Variants in RASIP1 observed in about 807,000 individuals in gnomAD.
RASIP1 encodes Ras interacting protein 1, also known as ras-interacting protein 1.
Under a neutral mutation model 85.3 loss-of-function variants are expected in RASIP1, and 20 were observed. That is an observed-to-expected ratio of 0.23 (90% CI 0.17 to 0.34). The LOEUF (loss-of-function observed/expected upper bound fraction) is 0.34. Among genes scored for constraint, RASIP1 ranks in the 10% least tolerant of loss-of-function variants. RASIP1 has a pLI of 1.00. For synonymous variants in RASIP1, 617 were observed against 647.1 expected, an observed-to-expected ratio of 0.95 and a Z score of 0.71; for missense variants, 1,170 against 1,390.9, an observed-to-expected ratio of 0.84 and a Z score of 2.53.
At position 48,739,348 on chromosome 19, in the gene RASIP1, C is replaced by A. The variant is rs1227408792; in HGVS notation, c.435G>T (p.Pro145=). Residue 145 remains proline, a synonymous_variant, in exon 3 of 12, where the codon CCG becomes CCT. Transcript: ENST00000222145. The surrounding 1 kb of genome is among the most constrained non-coding windows in gnomAD (Gnocchi z 9.2). The part of the protein sequence containing the change: ...PPLATRATAP[P]GVLKIFGAGL... ...CGGCGCCGAAGATCTTGAGGACCCC[C>A]GGAGGCGCCGTGGCGCGGGTAGCCA... 4 of 1,350,338 alleles carry A rather than the reference C, an allele frequency of 3.0e-6. No individual in the cohort carries two copies. The South Asian group carries it at 5.4e-5, about 18-fold the overall frequency. 83.6% of individuals were successfully genotyped at this position (1,350,338 alleles called of 1,614,324 possible). A position where few individuals can be genotyped will look rare whatever the true frequency, so the allele number is the denominator to read the frequency against.
At position 48,739,306 on chromosome 19, in the gene RASIP1, G is replaced by A; in HGVS notation, c.477C>T (p.Ala159=). ...CCGTGGCCAGCACGCTCTTGTAGTT[G>A]GCGCCCGATGCCAGTCCGGCGCCGA... ...KIFGAGLASG[A]NYKSVLATAR... The change falls in exon 3 of 12, where the codon GCC becomes GCT. Residue 159 remains alanine (A), a synonymous_variant. Transcript: ENST00000222145. This position sits in a 1 kb window ranked among gnomAD's most constrained non-coding sequence, Gnocchi z 9.2. The A allele has an allele frequency of 7.1e-7, 1 of 1,408,326 alleles. No homozygotes were observed. Among genetic ancestry groups the A allele is most frequent in the Non-Finnish European group, 9.2e-7 (1 of 1,086,756 alleles). 87.2% of individuals were successfully genotyped at this position (1,408,326 alleles called of 1,614,324 possible).
intron 3 of RASIP1, 59 bp from the exon 4 acceptor site, chr19:48,735,610 C>G: frequency 7.0e-7 from 1 of 1,425,150 alleles, no homozygotes; most frequent in Non-Finnish European, 9.3e-7. Context: ...AGACACAGAG[C>G]TGCAGATTAT....
At chr19:48,732,459 TTAG>T (rs2033477889) in intron 4 of RASIP1, among the ~76,000 whole-genome samples, 1 of 151,984 alleles carries the variant, frequency 6.6e-6, no homozygotes, top group African/African-American at 2.4e-5. Flanking sequence ...TTTCACCGTG[TTAG>T]CCAGGATGGT....
In RASIP1 at chr19:48,724,588, AGCCT is replaced by A; in HGVS notation, c.2372-83_2372-80del. On this transcript the variant is annotated intron_variant, in intron 9 of 11. Coordinates refer to ENST00000222145, the MANE Select transcript of RASIP1 (RefSeq NM_017805.3). The surrounding 1 kb of genome is among the most constrained non-coding windows in gnomAD (Gnocchi z 4.6). ...GCCTCCCAGACTCTTCCTATCCTTC[AGCCT>A]GGGATCTGGAGCTTGTTCTCCAGGG... 1 of 1,575,362 alleles carries A rather than the reference AGCCT, an allele frequency of 6.3e-7. No homozygotes were observed. Among genetic ancestry groups the A allele is most frequent in the Non-Finnish European group, 8.7e-7 (1 of 1,155,428 alleles).
rs559025283 is a variant in RASIP1, at chr19:48,727,916, G to A, written c.1834-486C>T. ...TTAGCCAGGATGGTCTCGATCTCCC[G>A]ACTTCAGGTGATCTGCCCGCCTCGG... On this transcript the variant is annotated intron_variant, in intron 5 of 11. Coordinates refer to ENST00000222145, the MANE Select transcript of RASIP1 (RefSeq NM_017805.3). Among the ~76,000 whole-genome samples the A allele has an allele frequency of 4.6e-5, 7 of 151,882 alleles. 1 individual carries two copies. The highest frequency in any genetic ancestry group is 1.7e-4 in the African/African-American group (7 of 41,336).
intron 3 of RASIP1, among the ~76,000 whole-genome samples, chr19:48,735,797 T>C (rs576528947): frequency 4.0e-4 from 61 of 150,814 alleles, no homozygotes; most frequent in Middle Eastern, 3.5e-3. Context: ...GTTCTTCTTT[T>C]TTTTTTTTTT....
intron 3 of RASIP1, chr19:48,737,370 T>G (rs2033591794): frequency 1.3e-6 from 1 of 744,776 alleles, no homozygotes; most frequent in Non-Finnish European, 1.6e-6. Context: ...GAAGGCTCCC[T>G]GAGCAGACCC....
intron 3 of RASIP1, among the ~76,000 whole-genome samples, chr19:48,737,191 C>T (rs1298531279): frequency 6.6e-6 from 1 of 152,134 alleles, no homozygotes; most frequent in Non-Finnish European, 1.5e-5. Context: ...CTGTGCTAGG[C>T]CCTTTATATA....
Position 48,724,152 on chromosome 19 carries a change from G to T in RASIP1, c.2544+185C>A, listed in dbSNP as rs1381371637. Among the ~76,000 whole-genome samples, 1 of 152,160 alleles carries T rather than the reference G, an allele frequency of 6.6e-6. No homozygotes were observed. ...GTTCCACCAGGATTCAGACACAGCC[G>T]AGTTTAGTCATTGTTGGTGCTGGCT... On this transcript the variant is annotated intron_variant, in intron 10 of 11. Transcript: ENST00000222145. This position sits in a 1 kb window ranked among gnomAD's most constrained non-coding sequence, Gnocchi z 4.6.
intron 10 of RASIP1, among the ~76,000 whole-genome samples, chr19:48,723,822 T>C (rs112994930): frequency 8.7e-5 from 13 of 149,298 alleles, no homozygotes; most frequent in Admixed American, 6.6e-5. Context: ...TTTTTTTTTT[T>C]CTGGAGACAG....
chr19:48,731,590 C>T (rs2033459372), intron 4 of RASIP1, among the ~76,000 whole-genome samples: 1 of 152,198 alleles, frequency 6.6e-6, no homozygotes, highest in African/African-American at 2.4e-5. Flanking sequence ...AATGGACTCT[C>T]ATCTCCATTC....
chr19:48,740,045 G>C lies in RASIP1; in HGVS notation c.137+101C>G, dbSNP rs2033645219. The C allele has an allele frequency of 7.1e-7, 1 of 1,416,286 alleles. No individual in the cohort carries two copies. Among genetic ancestry groups the C allele is most frequent in the Admixed American group, 2.6e-5 (1 of 38,010 alleles). The allele number at this position is 1,416,286 out of a possible 1,614,324, so 87.7% of individuals were successfully genotyped here. A position where few individuals can be genotyped will look rare whatever the true frequency, so the allele number is the denominator to read the frequency against. The stretch of plus-strand genomic sequence containing the variant: ...CCACCAGCTCGTTTGCCCAATTCAG[G>C]ATGAGGACCGGAGCCAACACTTTGC... On this transcript the variant is annotated intron_variant, in intron 2 of 11. Coordinates refer to ENST00000222145, the MANE Select transcript of RASIP1 (RefSeq NM_017805.3). This position sits in a 1 kb window ranked among gnomAD's most constrained non-coding sequence, Gnocchi z 5.5.
At position 48,739,139 on chromosome 19, in the gene RASIP1, C is replaced by T. The variant is rs2033625676; in HGVS notation, c.644G>A (p.Gly215Asp). ...CDALGRPAAA[G>D]VGSGEWRAEH... is the part of the protein sequence containing the mutation. The stretch of plus-strand genomic sequence containing the variant: ...CGCCCGCCACTCGCCGCTTCCCACG[C>T]CCGCCGCCGCGGGCCGGCCCAGAGC... Residue 215 changes from glycine (G) to aspartate (D), a missense_variant, in exon 3 of 12, where the codon GGC becomes GAC. Physicochemically the swap from Gly to Asp is moderately conservative, Grantham distance 94. Transcript: ENST00000222145. This position sits in a 1 kb window ranked among gnomAD's most constrained non-coding sequence, Gnocchi z 9.2. 7.3e-7 allele frequency: 1 copy of T among 1,361,216 alleles called. No individual in the cohort carries two copies. Among genetic ancestry groups the T allele is most frequent in the Non-Finnish European group, 9.4e-7 (1 of 1,063,100 alleles). The allele number at this position is 1,361,216 out of a possible 1,614,324, so 84.3% of individuals were successfully genotyped here.
chr19:48,729,524 G>A lies in RASIP1; in HGVS notation c.1246C>T (p.Arg416Cys). The A allele has an allele frequency of 1.3e-6, 2 of 1,599,832 alleles. No individual in the cohort carries two copies. Among genetic ancestry groups the A allele is most frequent in the Non-Finnish European group, 1.7e-6 (2 of 1,173,808 alleles). ...VFGRGGNSSG[R>C]GGSPAPYVDT... ...ACATAGGGAGCCGGGGACCCCCCGC[G>A]GCCAGACGAGTTCCCACCTCGCCCA... is the stretch of plus-strand genomic sequence containing the variant. The change falls in exon 5 of 12, where the codon CGC (arginine) becomes TGC (cysteine). Residue 416 changes from arginine (R) to cysteine (C), a missense_variant. Coordinates refer to ENST00000222145, the MANE Select transcript of RASIP1 (RefSeq NM_017805.3).
chr19:48,730,559 C>T (rs1201556657), intron 4 of RASIP1, among the ~76,000 whole-genome samples: 5 of 152,084 alleles, frequency 3.3e-5, no homozygotes, highest in African/African-American at 4.8e-5. Context: ...TGTGCAACTA[C>T]CCTCACCCTC....
At chr19:48,725,031 T>G in intron 8 of RASIP1, 71 bp from the exon 9 acceptor site, 1 of 1,544,154 alleles carries the variant, frequency 6.5e-7, no homozygotes, top group Non-Finnish European at 8.8e-7. Context: ...TAATAGAGCA[T>G]GAAGATAGTG....
chr19:48,729,177 G>T lies in RASIP1; in HGVS notation c.1593C>A (p.Gly531=). 1 of 1,284,826 alleles carries T rather than the reference G, an allele frequency of 7.8e-7. No homozygotes were observed. The allele number at this position is 1,284,826 out of a possible 1,614,324, so 79.6% of individuals were successfully genotyped here. Residue 531 remains glycine (G), a synonymous_variant, in exon 5 of 12, where the codon GGC becomes GGA. Transcript: ENST00000222145. ...CGTCCAGGTAGGCGGCCAGTGCCTC[G>T]CCGCGCTCCTGCAGGCCGCGGCCGC... The part of the protein sequence containing the change: ...RLCGRGLQER[G]EALAAYLDGR...
rs1274398732 is a variant in RASIP1 at position 48,724,942 on chromosome 19, G to A, written c.2146C>T (p.Pro716Ser). 2 of 1,613,088 alleles carry A rather than the reference G, an allele frequency of 1.2e-6. No homozygotes were observed. The highest frequency in any genetic ancestry group is 1.7e-6 in the Non-Finnish European group (2 of 1,179,220). ...YLTKTLYSTL[P>S]ALLDSNPFTA... is the part of the protein sequence containing the mutation. Reference sequence around the variant, plus strand: ...AAAGGGTTACTATCCAGGAGAGCAGGCAGCGTTGAATAGAGAGTCTGAGAA... The same window carrying A: ...AAAGGGTTACTATCCAGGAGAGCAGACAGCGTTGAATAGAGAGTCTGAGAA... Residue 716 changes from proline to serine, a missense_variant, in exon 9 of 12, where the codon CCT (proline) becomes TCT (serine). Pro to Ser is a moderately conservative substitution (Grantham distance 74). Around this residue, in one of 4 missense-constraint regions of RASIP1, gnomAD observed 426 missense variants for 576.2 expected, o/e 0.74. Transcript: ENST00000222145. The surrounding 1 kb of genome is among the most constrained non-coding windows in gnomAD (Gnocchi z 4.6).
In RASIP1 at chr19:48,739,204, G is replaced by A. The variant is rs1393113972; in HGVS notation, c.579C>T (p.Pro193=). The A allele has an allele frequency of 2.0e-6, 3 of 1,479,230 alleles. No individual in the cohort carries two copies. Among genetic ancestry groups the A allele is most frequent in the African/African-American group, 1.5e-5 (1 of 68,198 alleles). The allele number at this position is 1,479,230 out of a possible 1,614,324, so 91.6% of individuals were successfully genotyped here. A position where few individuals can be genotyped will look rare whatever the true frequency, so the allele number is the denominator to read the frequency against. Residue 193 remains proline, a synonymous_variant, in exon 3 of 12, where the codon CCC becomes CCT. Coordinates refer to ENST00000222145, the MANE Select transcript of RASIP1 (RefSeq NM_017805.3). The surrounding 1 kb of genome is among the most constrained non-coding windows in gnomAD (Gnocchi z 9.2). ...YGLAGSPGGG[P]GESSCVDAFA... is the part of the protein sequence containing the mutation. ...AGGCGTCCACGCAGCTGCTCTCGCC[G>A]GGGCCACCGCCGGGGCTGCCTGCTA...
Sources: gnomAD v4.1 joint callset for allele counts (sites outside exome capture counted in the v4.1 genomes callset) on GRCh38, gnomAD v4.1.1 for gene constraint, gnomAD v4.1.1 regional missense constraint, Gnocchi (gnomAD v3.1) non-coding constraint, MANE v1.5 for transcripts, NCBI Gene and HGNC (gene_info 2026-07-23, HGNC 2026-07-21) for gene names.